The following CELF1 variants were observed in gnomAD, a reference collection of about 807,000 sequenced individuals.
CELF1 encodes 50 kDa nuclear polyadenylated RNA-binding protein.
CELF1 carries 10 observed loss-of-function variants against 61.8 expected under a neutral mutation model. The ratio of observed to expected loss-of-function variants is 0.16; its 90% CI spans 0.10 to 0.27. The LOEUF (loss-of-function observed/expected upper bound fraction) is 0.27. Ranked by LOEUF, CELF1 falls within the 10% of genes least tolerant of loss-of-function variation. CELF1 has a pLI of 1.00. For synonymous variants in CELF1, 236 were observed against 225.1 expected (o/e 1.05, Z -0.43); for missense variants, 380 against 639.1 (o/e 0.59, Z 4.37).
chr11:47,545,870 C>CTGTGT, intron 1 of CELF1, among the ~76,000 whole-genome samples: 1 of 91,796 alleles, frequency 1.1e-5, no homozygotes, highest in South Asian at 3.1e-4. Flanking sequence ...TGTGTGTCTG[C>CTGTGT]GTGTGTGTGT....
At chr11:47,494,448 G>A (rs1160074061) in intron 3 of CELF1, 4 of 982,626 alleles carry the variant, frequency 4.1e-6, no homozygotes, top group Non-Finnish European at 4.8e-6. Flanking sequence ...AACATACTAT[G>A]AGAAAATACA....
upstream of CELF1, among the ~76,000 whole-genome samples, chr11:47,555,882 C>T (rs1031890004): frequency 1.3e-5 from 2 of 151,726 alleles, no homozygotes; most frequent in Non-Finnish European, 2.9e-5. Context: ...TGCCTGTAAT[C>T]CCAGCTACTC....
At position 47,505,061 on chromosome 11, in the gene CELF1, G is replaced by A. The variant is rs1232275849; in HGVS notation, c.-153-4129C>T. Among the ~76,000 whole-genome samples, 5 of 151,068 alleles carry A rather than the reference G, an allele frequency of 3.3e-5. 1 individual carries two copies. Among genetic ancestry groups the A allele is most frequent in the Non-Finnish European group, 7.4e-5 (5 of 67,546 alleles). On this transcript the variant is annotated intron_variant, in intron 1 of 14. Coordinates refer to ENST00000687097, the MANE Select transcript of CELF1 (RefSeq NM_001376376.1). Reference sequence around the variant, plus strand: ...ACAAAAACATCACCATTTTGAAAACGAAAAAGTTTTCCATTTCCTCCCCTA... The same window carrying A: ...ACAAAAACATCACCATTTTGAAAACAAAAAAGTTTTCCATTTCCTCCCCTA...
At chr11:47,478,983 G>GT (rs771142554) in intron 9 of CELF1, 31 bp from the exon 10 acceptor site, 31 of 1,567,220 alleles carry the variant, frequency 2.0e-5, no homozygotes, top group Middle Eastern at 1.7e-4. Flanking sequence ...CAGAACAAGA[G>GT]TGAGAGTGAG....
rs1454213634 is a variant in CELF1 at position 47,470,072 on chromosome 11, GAA to G, written c.*2156_*2157del. On this transcript the variant is annotated 3_prime_UTR_variant, in exon 15 of 15. Coordinates refer to ENST00000687097, the MANE Select transcript of CELF1 (RefSeq NM_001376376.1). ...TTAGCTGGGCTGCAAACGGGCCACA[GAA>G]AGTCAGTAGTTTCAATCATACACAG... 2 of 152,210 alleles carry G rather than the reference GAA, an allele frequency of 1.3e-5. No individual in the cohort carries two copies. Among genetic ancestry groups the G allele is most frequent in the Non-Finnish European group, 2.9e-5 (2 of 68,052 alleles). 9.4% of individuals were successfully genotyped at this position (152,210 alleles called of 1,614,324 possible).
intron 2 of CELF1, among the ~76,000 whole-genome samples, chr11:47,562,529 C>CAAA (rs35621873): frequency 6.9e-4 from 63 of 90,944 alleles, no homozygotes; most frequent in Middle Eastern, 6.6e-3. Context: ...AACTCTATCT[C>CAAA]AAAAAAAAAA....
At chr11:47,518,748 G>C (rs561611199) in intron 1 of CELF1, among the ~76,000 whole-genome samples, 1 of 152,214 alleles carries the variant, frequency 6.6e-6, no homozygotes, top group Admixed American at 6.5e-5. Context: ...CTGTGAGGCT[G>C]CTCCACCTCT....
At chr11:47,484,010 C>T (rs574519419) in intron 7 of CELF1, among the ~76,000 whole-genome samples, 1 of 152,196 alleles carries the variant, frequency 6.6e-6, no homozygotes, top group African/African-American at 2.4e-5. Flanking sequence ...GCTAGGGAAT[C>T]ACTGTTGCTA....
At chr11:47,516,728 G>A (rs1331172627) in intron 1 of CELF1, among the ~76,000 whole-genome samples, 1 of 151,828 alleles carries the variant, frequency 6.6e-6, no homozygotes, top group East Asian at 1.9e-4. Context: ...AGCCTCCCCA[G>A]TAGCTGGGAC....
rs1398383515 is a variant in CELF1 at position 47,481,657 on chromosome 11, C to T, written c.768+1038G>A. Among the ~76,000 whole-genome samples, 3 of 152,020 alleles carry T rather than the reference C, an allele frequency of 2.0e-5. No homozygotes were observed. In the East Asian group the frequency reaches 5.8e-4, roughly 29 times the overall value. ...TTAATAGCCTAAGATGACCTTTTTC[C>T]TCTTTGACTCACAAATGGGTGGTTT... On this transcript the variant is annotated intron_variant, in intron 9 of 14. Coordinates refer to ENST00000687097, the MANE Select transcript of CELF1 (RefSeq NM_001376376.1).
upstream of CELF1, among the ~76,000 whole-genome samples, chr11:47,553,818 A>ATTTT (rs34706651): frequency 6.7e-6 from 1 of 148,452 alleles, no homozygotes; most frequent in African/African-American, 2.5e-5. Context: ...ATATATATAT[A>ATTTT]TTTTTTTTTC....
intron 1 of CELF1, among the ~76,000 whole-genome samples, chr11:47,539,623 ACTAAGT>A (rs776283238): frequency 7.9e-5 from 12 of 152,344 alleles, no homozygotes; most frequent in Admixed American, 3.9e-4. Context: ...AGAGCTCTGT[ACTAAGT>A]CTAACTCAAA....
At chr11:47,502,114 A>T (rs1335916396) in intron 1 of CELF1, among the ~76,000 whole-genome samples, 1 of 152,204 alleles carries the variant, frequency 6.6e-6, no homozygotes, top group Non-Finnish European at 1.5e-5. Context: ...TTTCCCAGTC[A>T]TAGAACTTTT....
At chr11:47,495,724 T>G (rs1342662138) in intron 3 of CELF1, among the ~76,000 whole-genome samples, 1 of 152,184 alleles carries the variant, frequency 6.6e-6, no homozygotes, top group Non-Finnish European at 1.5e-5. Flanking sequence ...GCAGAGCTCC[T>G]GATTAGATTA....
intron 1 of CELF1, among the ~76,000 whole-genome samples, chr11:47,547,729 G>A (rs1014370040): frequency 1.3e-5 from 2 of 150,848 alleles, no homozygotes; most frequent in Non-Finnish European, 3.0e-5. Context: ...ACAAAATGAT[G>A]CAGGGACCCT....
intron 4 of CELF1, among the ~76,000 whole-genome samples, chr11:47,488,372 G>A (rs901402997): frequency 6.6e-6 from 1 of 152,142 alleles, no homozygotes; most frequent in African/African-American, 2.4e-5. Context: ...ATCCCGCAAG[G>A]CCTCTGTAAT....
chr11:47,556,439 CCT>C (rs2097206077), upstream of CELF1, among the ~76,000 whole-genome samples: 1 of 152,226 alleles, frequency 6.6e-6, no homozygotes, highest in Non-Finnish European at 1.5e-5. Context: ...CCCCACTCGG[CCT>C]TCCGAAGTTT....
At chr11:47,543,473 A>G (rs1477526016) in intron 1 of CELF1, among the ~76,000 whole-genome samples, 2 of 152,304 alleles carry the variant, frequency 1.3e-5, no homozygotes, top group East Asian at 3.9e-4. Context: ...AAATAAACAA[A>G]TATGTACTCA....
chr11:47,540,746 T>C (rs1010951819), intron 1 of CELF1, among the ~76,000 whole-genome samples: 10 of 151,528 alleles, frequency 6.6e-5, no homozygotes, highest in South Asian at 2.1e-4. Context: ...TACCCGGGCA[T>C]GGTGGTGGGC....
Sources: allele counts gnomAD v4.1 joint callset (sites outside exome capture counted in the v4.1 genomes callset), GRCh38; gene constraint gnomAD v4.1.1; transcripts MANE v1.5; gene names NCBI Gene and HGNC (gene_info 2026-07-23, HGNC 2026-07-21).